The following KSR2 variants were observed in gnomAD, a reference collection of about 807,000 sequenced individuals.
KSR2 encodes the protein kinase suppressor of ras 2.
KSR2 carries 25 observed loss-of-function variants against 107.8 expected under a neutral mutation model. That is an observed-to-expected ratio of 0.23 (90% CI 0.17 to 0.32). The LOEUF is 0.32. KSR2 is among the 10% of genes least tolerant of loss of function. The pLI is 1.00. For missense variants in KSR2, 887 were observed against 1,268.9 expected, an observed-to-expected ratio of 0.70 and a Z score of 4.57; for synonymous variants, 480 against 507.0, an observed-to-expected ratio of 0.95 and a Z score of 0.71.
At chr12:117,522,456 G>A (rs1415570299) in intron 14 of KSR2, among the ~76,000 whole-genome samples, 1 of 152,140 alleles carries the variant, frequency 6.6e-6, no homozygotes, top group Non-Finnish European at 1.5e-5. Context: ...TGTATCCCAA[G>A]TAATAGGCTA....
chr12:117,649,100 T>C (rs1325226978), intron 5 of KSR2, among the ~76,000 whole-genome samples: 1 of 152,186 alleles, frequency 6.6e-6, no homozygotes, highest in Non-Finnish European at 1.5e-5. Context: ...ATGGCATCAA[T>C]ATGCACATTT....
chr12:117,940,124 A>G (rs1895966901), intron 1 of KSR2, among the ~76,000 whole-genome samples: 1 of 152,280 alleles, frequency 6.6e-6, no homozygotes, highest in Non-Finnish European at 1.5e-5. Flanking sequence ...ATTCCCTTAA[A>G]AACGTCAATA....
At chr12:117,766,077 C>A (rs1452989359) in intron 3 of KSR2, among the ~76,000 whole-genome samples, 1 of 152,154 alleles carries the variant, frequency 6.6e-6, no homozygotes, top group Non-Finnish European at 1.5e-5. Flanking sequence ...TAATTGAAAG[C>A]AAGGACTGAA....
chr12:117,898,123 A>C (rs906346142), intron 1 of KSR2, among the ~76,000 whole-genome samples: 2 of 152,146 alleles, frequency 1.3e-5, no homozygotes, highest in African/African-American at 4.8e-5. Context: ...GGGTTAGGCA[A>C]CTCAAAGGCA....
intron 1 of KSR2, among the ~76,000 whole-genome samples, chr12:117,957,519 C>T (rs936731241): frequency 1.3e-5 from 2 of 152,168 alleles, no homozygotes; most frequent in Non-Finnish European, 1.5e-5. Context: ...CAGAGCAGCA[C>T]ACGGTGGGCA....
intron 3 of KSR2, among the ~76,000 whole-genome samples, chr12:117,815,990 AGT>A (rs35013081): frequency 0.16 from 17,818 of 112,664 alleles, 1,157 homozygotes; most frequent in Non-Finnish European, 0.19. Context: ...AAAAAAATAA[AGT>A]GTGTGTGTGT....
At chr12:117,832,050 C>G (rs538332905) in intron 3 of KSR2, among the ~76,000 whole-genome samples, 5 of 152,044 alleles carry the variant, frequency 3.3e-5, no homozygotes, top group Non-Finnish European at 5.9e-5. Flanking sequence ...TTTGGGAGGC[C>G]GAGGCGGGCA....
chr12:117,807,390 G>C (rs370981485), intron 3 of KSR2, among the ~76,000 whole-genome samples: 1 of 152,268 alleles, frequency 6.6e-6, no homozygotes, highest in African/African-American at 2.4e-5. Context: ...ACTTTCGAAG[G>C]TTTCCATAAA....
At chr12:117,909,520 A>G (rs901143373) in intron 1 of KSR2, among the ~76,000 whole-genome samples, 1 of 152,216 alleles carries the variant, frequency 6.6e-6, no homozygotes, top group African/African-American at 2.4e-5. Flanking sequence ...CTCAGGGAAC[A>G]TTTTAGCTGG....
intron 1 of KSR2, among the ~76,000 whole-genome samples, chr12:117,869,134 G>T (rs995404076): frequency 6.6e-6 from 1 of 152,000 alleles, no homozygotes; most frequent in Non-Finnish European, 1.5e-5. Context: ...CACTTTGGGA[G>T]GCCGAGGTGG....
chr12:117,905,197 T>TAAAA (rs1894801298), intron 1 of KSR2, among the ~76,000 whole-genome samples: 1 of 151,840 alleles, frequency 6.6e-6, no homozygotes, highest in African/African-American at 2.4e-5. Context: ...TAACATAACA[T>TAAAA]AACAAAACAA....
chr12:117,554,790 C>A, intron 9 of KSR2, among the ~76,000 whole-genome samples: 1 of 152,172 alleles, frequency 6.6e-6, no homozygotes, highest in East Asian at 1.9e-4. Flanking sequence ...ATTACCCAAT[C>A]TCAGGTATGT....
intron 7 of KSR2, among the ~76,000 whole-genome samples, chr12:117,565,094 C>A (rs532433427): frequency 5.9e-5 from 9 of 152,162 alleles, no homozygotes; most frequent in Non-Finnish European, 1.3e-4. Context: ...TGTGTCATGG[C>A]CCCCTGTGAA....
At chr12:117,959,816 C>T (rs1050350550) in intron 1 of KSR2, among the ~76,000 whole-genome samples, 4 of 151,662 alleles carry the variant, frequency 2.6e-5, no homozygotes, top group East Asian at 1.9e-4. Context: ...CTGCAGTCCC[C>T]GCTACTTGGG....
chr12:117,906,588 A>G (rs1894854512), intron 1 of KSR2, among the ~76,000 whole-genome samples: 1 of 152,034 alleles, frequency 6.6e-6, no homozygotes, highest in South Asian at 2.1e-4. Flanking sequence ...CCTGGGCTAC[A>G]AGAGCAAAAC....
At chr12:117,654,035 C>T (rs192050454) in intron 5 of KSR2, among the ~76,000 whole-genome samples, 5 of 152,308 alleles carry the variant, frequency 3.3e-5, no homozygotes, top group Non-Finnish European at 7.3e-5. Flanking sequence ...TGGAGCAAGG[C>T]CCTGCCATCT....
chr12:117,840,891 A>G (rs1424746319), intron 3 of KSR2, among the ~76,000 whole-genome samples: 7 of 152,018 alleles, frequency 4.6e-5, no homozygotes, highest in African/African-American at 1.7e-4. Context: ...AATCCCAGCT[A>G]CTTGGGAGGC....
At chr12:117,554,753 G>C (rs1454222510) in intron 9 of KSR2, among the ~76,000 whole-genome samples, 2 of 152,124 alleles carry the variant, frequency 1.3e-5, no homozygotes, top group African/African-American at 4.8e-5. Context: ...AGAACTGTGA[G>C]TCCATGAAAC....
chr12:117,637,993 G>A (rs1883190896), intron 5 of KSR2, among the ~76,000 whole-genome samples: 2 of 152,012 alleles, frequency 1.3e-5, no homozygotes, highest in South Asian at 4.1e-4. Flanking sequence ...CATTAATGGT[G>A]GCCTATTCAT....
Sources: allele counts gnomAD v4.1 joint callset (sites outside exome capture counted in the v4.1 genomes callset), GRCh38; gene constraint gnomAD v4.1.1; transcripts MANE v1.5; gene names NCBI Gene and HGNC (gene_info 2026-07-23, HGNC 2026-07-21).